DLG4: variants seen among roughly 807,000 people sequenced by gnomAD.
DLG4 encodes discs large MAGUK scaffold protein 4.
In DLG4, 7 loss-of-function variants were observed where a neutral mutation model predicts 93.8. The observed-to-expected ratio is 0.07, with a 90% CI of 0.04 to 0.14. The LOEUF is 0.14. DLG4 is among the 10% of genes least tolerant of loss of function. The pLI is 1.00. For missense variants in DLG4, 545 were observed against 992.9 expected (o/e 0.55, Z 6.06); for synonymous variants, 341 against 387.6 (o/e 0.88, Z 1.41).
rs1469165807 is a variant in DLG4 at position 7,188,048 on chromosome 17, C to A, written c.*2660G>T. On this transcript the variant is annotated 3_prime_UTR_variant, in exon 20 of 20. Transcript: ENST00000399506. ...TCGCGCCATTGCACTCCAGCTTGGGCAACAAAAGTGAAACTCGACCTCAAA... is the reference window on the plus strand; with the variant it reads ...TCGCGCCATTGCACTCCAGCTTGGGAAACAAAAGTGAAACTCGACCTCAAA... Among the ~76,000 whole-genome samples the A allele has an allele frequency of 2.1e-5, 3 of 141,526 alleles. No homozygotes were observed. Among genetic ancestry groups the A allele is most frequent in the African/African-American group, 8.0e-5 (3 of 37,414 alleles). The allele number at this position is 141,526 out of a possible 152,430, so 92.8% of individuals were successfully genotyped here. A position where few individuals can be genotyped will look rare whatever the true frequency, so the allele number is the denominator to read the frequency against.
At chr17:7,213,091 C>CTTTTTTTTTTTTTT (rs1567551398) in intron 1 of DLG4, among the ~76,000 whole-genome samples, 2 of 99,536 alleles carry the variant, frequency 2.0e-5, no homozygotes, top group Non-Finnish European at 3.9e-5. Flanking sequence ...TTCTTTCTTT[C>CTTTTTTTTTTTTTT]TTTCTTTTTT....
At chr17:7,219,921 T>TCGGCGTGCAGGACGC (rs1555527389), upstream of DLG4, 1 of 1,555,336 alleles carries the variant, frequency 6.4e-7, no homozygotes, top group Non-Finnish European at 8.7e-7. Flanking sequence ...CGCCAGGACG[T>TCGGCGTGCAGGACGC]GGGCGTGCAG....
rs1170990360 is a variant in DLG4, at chr17:7,203,938, C to G, written c.210+70G>C. On this transcript the variant is annotated intron_variant, in intron 4 of 19. Coordinates refer to ENST00000399506, the MANE Select transcript of DLG4 (RefSeq NM_001321075.3). This position sits in a 1 kb window ranked among gnomAD's most constrained non-coding sequence, Gnocchi z 7.2. ...GGCACAGGGTGAGGGGCTAGCCACCCAGACCACATGGCAGAAAGAAAGGTA... is the reference window on the plus strand; with the variant it reads ...GGCACAGGGTGAGGGGCTAGCCACCGAGACCACATGGCAGAAAGAAAGGTA... The G allele has an allele frequency of 3.8e-6, 6 of 1,590,364 alleles. No individual in the cohort carries two copies. The highest frequency in any genetic ancestry group is 3.6e-5 in the Admixed American group (2 of 55,916).
Position 7,203,250 on chromosome 17 carries a change from G to A in DLG4, c.585C>T (p.Ile195=). 1 of 1,610,664 alleles carries A rather than the reference G, an allele frequency of 6.2e-7. No homozygotes were observed. The highest frequency in any genetic ancestry group is 8.5e-7 in the Non-Finnish European group (1 of 1,177,138). The change falls in exon 7 of 20, where the codon ATC becomes ATT. Residue 195 remains isoleucine, a synonymous_variant. Coordinates refer to ENST00000399506, the MANE Select transcript of DLG4 (RefSeq NM_001321075.3). This position sits in a 1 kb window ranked among gnomAD's most constrained non-coding sequence, Gnocchi z 7.2. ...CATCCTTGTGGGCAGCACCCCCTTC[G>A]ATGATCTTTGTTACATAGATGCTAT... The part of the protein sequence containing the change: ...GDNSIYVTKI[I]EGGAAHKDGR...
intron 2 of DLG4, among the ~76,000 whole-genome samples, chr17:7,205,974 C>A (rs1260661922): frequency 6.6e-6 from 1 of 151,814 alleles, no homozygotes; most frequent in African/African-American, 2.4e-5. Context: ...CATCTCCATC[C>A]CTGTCTCGCC....
rs1197899921 is a variant in DLG4 at position 7,194,403 on chromosome 17, G to C, written c.1394C>G (p.Ala465Gly). The change falls in exon 12 of 20, where the codon GCT becomes GGT. Residue 465 changes from alanine (A) to glycine (G), a missense_variant. Around this residue, in one of 5 missense-constraint regions of DLG4, gnomAD observed 428 missense variants for 741.4 expected, o/e 0.58. Transcript: ENST00000399506. This position sits in a 1 kb window ranked among gnomAD's most constrained non-coding sequence, Gnocchi z 4.4. Reference sequence around the variant, plus strand: ...TGCCTGCCACCACTCCTCATCACTAGCATCGATGACATGCAGCACATCCCC... The same window carrying C: ...TGCCTGCCACCACTCCTCATCACTACCATCGATGACATGCAGCACATCCCC... ...RFGDVLHVIDASDEEWWQARR... is the reference protein window; with the variant it reads ...RFGDVLHVIDGSDEEWWQARR... 1 of 1,612,928 alleles carries C rather than the reference G, an allele frequency of 6.2e-7. No individual in the cohort carries two copies. Among genetic ancestry groups the C allele is most frequent in the Non-Finnish European group, 8.5e-7 (1 of 1,179,566 alleles).
At chr17:7,219,098 G>C, upstream of DLG4, 1 of 566,138 alleles carries the variant, frequency 1.8e-6, no homozygotes, top group South Asian at 2.3e-5. Context: ...CCTCACAGAG[G>C]GCTCCAGCAG....
Position 7,191,967 on chromosome 17 carries a change from G to A in DLG4, c.1902C>T (p.Ala634=), listed in dbSNP as rs769417143. The A allele has an allele frequency of 4.3e-5, 64 of 1,477,510 alleles. No individual in the cohort carries two copies. Among genetic ancestry groups the A allele is most frequent in the Non-Finnish European group, 5.0e-5 (55 of 1,110,638 alleles). 91.5% of individuals were successfully genotyped at this position (1,477,510 alleles called of 1,614,324 possible). A position where few individuals can be genotyped will look rare whatever the true frequency, so the allele number is the denominator to read the frequency against. ...KHCILDVSAN[A]VRRLQAAHLH... is the part of the protein sequence containing the mutation. ...GGTGGGCCGCCTGCAGCCGCCGCAC[G>A]GCATTGGCCGAGACATCGAGGATGC... The change falls in exon 18 of 20, where the codon GCC becomes GCT. Residue 634 remains alanine, a synonymous_variant. Coordinates refer to ENST00000399506, the MANE Select transcript of DLG4 (RefSeq NM_001321075.3). This position sits in a 1 kb window ranked among gnomAD's most constrained non-coding sequence, Gnocchi z 6.6.
chr17:7,188,027 G>A lies in DLG4; in HGVS notation c.*2681C>T, dbSNP rs1285231299. Among the ~76,000 whole-genome samples the A allele has an allele frequency of 3.3e-5, 5 of 150,332 alleles. No homozygotes were observed. Among genetic ancestry groups the A allele is most frequent in the Non-Finnish European group, 1.5e-5 (1 of 67,704 alleles). ...GGAGGTTGCAGTGAGCCGAGATCGC[G>A]CCATTGCACTCCAGCTTGGGCAACA... On this transcript the variant is annotated 3_prime_UTR_variant, in exon 20 of 20. Transcript: ENST00000399506.
In DLG4 at chr17:7,208,530, C is replaced by T. The variant is rs1342803564; in HGVS notation, c.31-291G>A. 6.6e-6 allele frequency among the ~76,000 whole-genome samples: 1 copy of T among 152,126 alleles called. No individual in the cohort carries two copies. Among genetic ancestry groups the T allele is most frequent in the Admixed American group, 6.5e-5 (1 of 15,274 alleles). Reference sequence around the variant, plus strand: ...GACACTGGCCTTCTGGTGGGCATAGCCCCTCTGGCATCTGTGTCTTCACCC... The same window carrying T: ...GACACTGGCCTTCTGGTGGGCATAGTCCCTCTGGCATCTGTGTCTTCACCC... On this transcript the variant is annotated intron_variant, in intron 1 of 19. Transcript: ENST00000399506. The surrounding 1 kb of genome is among the most constrained non-coding windows in gnomAD (Gnocchi z 5.4).
In DLG4 at chr17:7,196,656, C is replaced by A. The variant is rs796854098; in HGVS notation, c.1084-81G>T. 1.2e-5 allele frequency: 19 copies of A among 1,591,040 alleles called. No individual in the cohort carries two copies. The African/African-American group carries it at 2.5e-4, about 21-fold the overall frequency. Reference sequence around the variant, plus strand: ...CCAGGTGGAGCAGGGAGTGGTCCCGCAAGAGGACTCGGCTGCAGCCCATCC... The same window carrying A: ...CCAGGTGGAGCAGGGAGTGGTCCCGAAAGAGGACTCGGCTGCAGCCCATCC... On this transcript the variant is annotated intron_variant, in intron 9 of 19. Transcript: ENST00000399506. This position sits in a 1 kb window ranked among gnomAD's most constrained non-coding sequence, Gnocchi z 8.3.
At chr17:7,192,884 G>A (rs1448287303) in intron 17 of DLG4, 61 bp downstream of exon 17, 14 of 1,504,500 alleles carry the variant, frequency 9.3e-6, no homozygotes, top group Middle Eastern at 2.2e-4. Flanking sequence ...GAAAGCTGGA[G>A]GGAGGCAGTG....
At position 7,189,357 on chromosome 17, in the gene DLG4, CAG is replaced by C. The variant is rs2069380058; in HGVS notation, c.*1349_*1350del. Among the ~76,000 whole-genome samples, 1 of 151,664 alleles carries C rather than the reference CAG, an allele frequency of 6.6e-6. No individual in the cohort carries two copies. The highest frequency in any genetic ancestry group is 2.1e-4 in the South Asian group (1 of 4,810). Reference sequence around the variant, plus strand: ...ATACAAAATTAGCCAGGCATGGTGGCAGTAATCTGTAATCCCAGCTACTCAGG... The same window carrying C: ...ATACAAAATTAGCCAGGCATGGTGGCTAATCTGTAATCCCAGCTACTCAGG... On this transcript the variant is annotated 3_prime_UTR_variant, in exon 20 of 20. Transcript: ENST00000399506.
At position 7,189,342 on chromosome 17, in the gene DLG4, A is replaced by G. The variant is rs1273453495; in HGVS notation, c.*1366T>C. Among the ~76,000 whole-genome samples, 1 of 151,716 alleles carries G rather than the reference A, an allele frequency of 6.6e-6. No homozygotes were observed. The highest frequency in any genetic ancestry group is 6.6e-5 in the Admixed American group (1 of 15,226). ...CCATCTCTACTAAAAATACAAAATT[A>G]GCCAGGCATGGTGGCAGTAATCTGT... On this transcript the variant is annotated 3_prime_UTR_variant, in exon 20 of 20. Transcript: ENST00000399506.
chr17:7,207,308 G>C (rs1211760327), intron 2 of DLG4, among the ~76,000 whole-genome samples: 1 of 152,004 alleles, frequency 6.6e-6, no homozygotes, highest in African/African-American at 2.4e-5. Context: ...CAGGGAGAGG[G>C]AGAGGAGAAT....
intron 8 of DLG4, among the ~76,000 whole-genome samples, chr17:7,199,873 G>A (rs541488123): frequency 2.6e-5 from 4 of 151,778 alleles, no homozygotes; most frequent in African/African-American, 2.4e-5. Flanking sequence ...CCAGCTACTC[G>A]GGAGGCTGAG....
chr17:7,216,882 T>C (rs2070941004), intron 1 of DLG4, among the ~76,000 whole-genome samples: 1 of 151,174 alleles, frequency 6.6e-6, no homozygotes, highest in Admixed American at 6.6e-5. Context: ...CCCCGAACCA[T>C]GGAATATCCT....
chr17:7,218,955 A>G (rs2071061500), upstream of DLG4: 1 of 1,251,032 alleles, frequency 8.0e-7, no homozygotes, highest in Non-Finnish European at 1.2e-6. Context: ...CTCTGAGCCG[A>G]CCAGCTGTCC....
rs549450473 is a variant in DLG4 at position 7,187,314 on chromosome 17, G to GA, written c.*3393_*3394insT. ...TAGCACTTTGGGAGGCCGAGGGGGG[G>GA]GGGGGTGGATCACCCGAGGTCAGGA... is the stretch of plus-strand genomic sequence containing the variant. On this transcript the variant is annotated 3_prime_UTR_variant, in exon 20 of 20. Transcript: ENST00000399506. Among the ~76,000 whole-genome samples, 80 of 116,300 alleles carry GA rather than the reference G, an allele frequency of 6.9e-4. 5 individuals are homozygous for GA. The highest frequency in any genetic ancestry group is 2.0e-3 in the African/African-American group (76 of 37,352). 76.3% of individuals were successfully genotyped at this position (116,300 alleles called of 152,430 possible). A position where few individuals can be genotyped will look rare whatever the true frequency, so the allele number is the denominator to read the frequency against.
Sources: allele counts gnomAD v4.1 joint callset (sites outside exome capture counted in the v4.1 genomes callset), GRCh38; gene constraint gnomAD v4.1.1; regional missense constraint gnomAD v4.1.1; non-coding constraint Gnocchi (gnomAD v3.1); transcripts MANE v1.5; gene names NCBI Gene and HGNC (gene_info 2026-07-23, HGNC 2026-07-21).